The following TNIP3 variants were observed in gnomAD, a reference collection of about 807,000 sequenced individuals.
TNIP3 encodes the protein TNFAIP3 interacting protein 3, also known as TNFAIP3-interacting protein 3.
TNIP3 carries 34 observed loss-of-function variants against 54.1 expected under a neutral mutation model. The observed-to-expected ratio is 0.63, with a 90% CI of 0.48 to 0.84. TNIP3 has a LOEUF of 0.84. Among genes scored for constraint, TNIP3 ranks in the 40% least tolerant of loss-of-function variants. TNIP3 has a pLI of 0.00. For missense variants in TNIP3, 366 were observed against 387.6 expected, an observed-to-expected ratio of 0.94 and a Z score of 0.47; for synonymous variants, 134 against 136.8, an observed-to-expected ratio of 0.98 and a Z score of 0.14.
upstream of TNIP3, among the ~76,000 whole-genome samples, chr4:121,165,967 C>T (rs937675007): frequency 6.6e-6 from 1 of 152,166 alleles, no homozygotes; most frequent in African/African-American, 2.4e-5. Context: ...ATACCATGCA[C>T]ATACACACTC....
chr4:121,220,875 T>C (rs1272796501), upstream of TNIP3, among the ~76,000 whole-genome samples: 1 of 151,968 alleles, frequency 6.6e-6, no homozygotes, highest in Non-Finnish European at 1.5e-5. Context: ...AAAAGAGCAA[T>C]ACGTTCAGTC....
intron 3 of TNIP3, 39 bp downstream of exon 3, chr4:121,158,648 T>A: frequency 6.5e-7 from 1 of 1,534,080 alleles, no homozygotes; most frequent in East Asian, 2.2e-5. Context: ...ACCAGGATAA[T>A]GGCTTTAAAG....
chr4:121,226,296 A>AG (rs1252373352), intron 1 of TNIP3, among the ~76,000 whole-genome samples: 12 of 152,196 alleles, frequency 7.9e-5, no homozygotes, highest in Admixed American at 7.9e-4. Flanking sequence ...TGAAAAGGAA[A>AG]AGAGAAAATG....
At chr4:121,186,509 A>G (rs1725028579) in intron 2 of TNIP3, among the ~76,000 whole-genome samples, 1 of 152,202 alleles carries the variant, frequency 6.6e-6, no homozygotes, top group Non-Finnish European at 1.5e-5. Context: ...ATGCTTTTAG[A>G]GTTGAACATA....
chr4:121,191,966 T>C (rs944848199), intron 2 of TNIP3, among the ~76,000 whole-genome samples: 1 of 152,238 alleles, frequency 6.6e-6, no homozygotes, highest in African/African-American at 2.4e-5. Context: ...CATATTAAGT[T>C]ATTTAGATAC....
chr4:121,215,943 A>G (rs1486265638), intron 2 of TNIP3, among the ~76,000 whole-genome samples: 1 of 152,008 alleles, frequency 6.6e-6, no homozygotes, highest in African/African-American at 2.4e-5. Context: ...AAAAACTTTG[A>G]AAGATTGATA....
rs546962053 is a variant in TNIP3, at chr4:121,191,645, A to G, written c.69-8849T>C. Among the ~76,000 whole-genome samples the G allele has an allele frequency of 7.2e-5, 11 of 152,332 alleles. No individual in the cohort carries two copies. In the East Asian group the frequency reaches 2.1e-3, roughly 29 times the overall value. On this transcript the variant is annotated intron_variant, in intron 2 of 12. Coordinates refer to the TNIP3 transcript ENST00000507879. ...TGAATTTTAGACAGGTACAGTTCCA[A>G]GTTGTGACATTCTCTAGGAATATGA...
At chr4:121,187,232 A>G (rs1299460093) in intron 2 of TNIP3, among the ~76,000 whole-genome samples, 1 of 152,214 alleles carries the variant, frequency 6.6e-6, no homozygotes, top group East Asian at 1.9e-4. Flanking sequence ...TTAAACACCA[A>G]TAGAACAGAT....
In TNIP3 at chr4:121,173,871, T is replaced by G. The variant is rs568149242; in HGVS notation, c.189+8805A>C. Among the ~76,000 whole-genome samples the G allele has an allele frequency of 2.6e-5, 4 of 152,308 alleles. No homozygotes were observed. In the South Asian group the frequency reaches 8.3e-4, roughly 32 times the overall value. On this transcript the variant is annotated intron_variant, in intron 3 of 12. Transcript: ENST00000507879. Reference sequence around the variant, plus strand: ...GTCTCAAACTCCTGACCACAAGTGATCCACCTGCCTCGGCCTCCCAAAGTG... The same window carrying G: ...GTCTCAAACTCCTGACCACAAGTGAGCCACCTGCCTCGGCCTCCCAAAGTG...
intron 2 of TNIP3, among the ~76,000 whole-genome samples, chr4:121,185,405 A>T (rs1194872075): frequency 6.6e-6 from 1 of 152,172 alleles, no homozygotes; most frequent in African/African-American, 2.4e-5. Context: ...GAGCCCCATC[A>T]CTATTGTCCC....
In TNIP3 at chr4:121,154,690, G is replaced by A. The variant is rs1309966391; in HGVS notation, c.364-11C>T. 5.7e-6 allele frequency: 9 copies of A among 1,591,992 alleles called. No homozygotes were observed. Among genetic ancestry groups the A allele is most frequent in the Non-Finnish European group, 6.8e-6 (8 of 1,172,054 alleles). On this transcript the variant is annotated splice_polypyrimidine_tract_variant and intron_variant, in intron 4 of 10. Transcript: ENST00000057513. ...GCGTTCCTTTTCCTTCTGAAGTTAA[G>A]ACCAAGAAAAGAAAATAAAAGTCAG... is the stretch of plus-strand genomic sequence containing the variant.
chr4:121,132,558 A>C lies in TNIP3; in HGVS notation c.*73T>G. 1 of 1,385,834 alleles carries C rather than the reference A, an allele frequency of 7.2e-7. No homozygotes were observed. The highest frequency in any genetic ancestry group is 1.0e-6 in the Non-Finnish European group (1 of 977,730). The allele number at this position is 1,385,834 out of a possible 1,614,324, so 85.8% of individuals were successfully genotyped here. A position where few individuals can be genotyped will look rare whatever the true frequency, so the allele number is the denominator to read the frequency against. On this transcript the variant is annotated 3_prime_UTR_variant, in exon 11 of 11. Coordinates refer to ENST00000057513, the MANE Select transcript of TNIP3 (RefSeq NM_024873.6). ...TGCCTTTGTGGCAGAAACAAGCCTCAGTATAAACAAAGAAGAGGGTCCTCA... is the reference window on the plus strand; with the variant it reads ...TGCCTTTGTGGCAGAAACAAGCCTCCGTATAAACAAAGAAGAGGGTCCTCA...
In TNIP3 at chr4:121,138,646, T is replaced by A; in HGVS notation, c.924A>T (p.Pro308=). 6.2e-7 allele frequency: 1 copy of A among 1,614,082 alleles called. No homozygotes were observed. Among genetic ancestry groups the A allele is most frequent in the South Asian group, 1.1e-5 (1 of 91,072 alleles). Residue 308 remains proline, a synonymous_variant, in exon 10 of 11, where the codon CCA becomes CCT. Coordinates refer to ENST00000057513, the MANE Select transcript of TNIP3 (RefSeq NM_024873.6). ...CACCATTTGCCTTGTGTTGTACATC[T>A]GGCGGAAGCTGGTCAAGAGCATACC... The part of the protein sequence containing the change: ...YQWYALDQLP[P]DVQHKANGLS...
At chr4:121,201,655 A>C (rs1399834566) in intron 2 of TNIP3, among the ~76,000 whole-genome samples, 1 of 152,206 alleles carries the variant, frequency 6.6e-6, no homozygotes, top group Non-Finnish European at 1.5e-5. Flanking sequence ...TGGAATCAGA[A>C]GAGTTGTATT....
At chr4:121,224,245 C>T (rs1727163165) in intron 1 of TNIP3, among the ~76,000 whole-genome samples, 2 of 151,974 alleles carry the variant, frequency 1.3e-5, no homozygotes, top group African/African-American at 2.4e-5. Context: ...CGCCTGTAAT[C>T]CCAACTACTT....
At chr4:121,170,492 T>C (rs1406420568) in intron 3 of TNIP3, among the ~76,000 whole-genome samples, 1 of 152,246 alleles carries the variant, frequency 6.6e-6, no homozygotes, top group Admixed American at 6.5e-5. Flanking sequence ...CCGTGTATTT[T>C]CTTTTTATTC....
chr4:121,220,821 C>CA (rs1726996748), upstream of TNIP3, among the ~76,000 whole-genome samples: 1 of 151,970 alleles, frequency 6.6e-6, no homozygotes, highest in South Asian at 2.1e-4. Context: ...AGCGAATGGA[C>CA]AGCAGGATTC....
rs757962376 is a variant in TNIP3 at position 121,138,695 on chromosome 4, C to T, written c.886-11G>A. 2 of 1,611,986 alleles carry T rather than the reference C, an allele frequency of 1.2e-6. No homozygotes were observed. The highest frequency in any genetic ancestry group is 1.7e-5 in the Admixed American group (1 of 59,990). On this transcript the variant is annotated splice_polypyrimidine_tract_variant and intron_variant, in intron 9 of 10. Coordinates refer to ENST00000057513, the MANE Select transcript of TNIP3 (RefSeq NM_024873.6). ...CCACTGATAGTCTGGCTGTGTGGAA[C>T]AATACAACATTATTATAGCAATATG...
At chr4:121,209,333 G>A (rs540569922) in intron 2 of TNIP3, among the ~76,000 whole-genome samples, 4 of 152,372 alleles carry the variant, frequency 2.6e-5, no homozygotes, top group South Asian at 2.1e-4. Context: ...TTGGTCAGAA[G>A]TATGGGTGGT....
Sources: gnomAD v4.1 joint callset for allele counts (sites outside exome capture counted in the v4.1 genomes callset) on GRCh38, gnomAD v4.1.1 for gene constraint, MANE v1.5 for transcripts, NCBI Gene and HGNC (gene_info 2026-07-23, HGNC 2026-07-21) for gene names.